Variants in FRMD3 observed in about 807,000 individuals in gnomAD.
FRMD3 encodes FERM domain-containing protein 3.
In FRMD3, 33 loss-of-function variants were observed where a neutral mutation model predicts 70.2. That is an observed-to-expected ratio of 0.47 (90% CI 0.36 to 0.63). The LOEUF is 0.63. Ranked by LOEUF, FRMD3 falls within the 20% of genes least tolerant of loss-of-function variation. FRMD3 has a pLI of 0.00. For missense variants in FRMD3, 632 were observed against 711.4 expected, an observed-to-expected ratio of 0.89 and a Z score of 1.27; for synonymous variants, 279 against 255.9, an observed-to-expected ratio of 1.09 and a Z score of -0.86.
chr9:83,326,826 C>T (rs1233191281), intron 6 of FRMD3, among the ~76,000 whole-genome samples: 1 of 152,140 alleles, frequency 6.6e-6, no homozygotes, highest in African/African-American at 2.4e-5. Context: ...TTTCAAAGAG[C>T]TAACAATTCT....
Position 83,350,828 on chromosome 9 carries a change from C to T in FRMD3, c.296-1071G>A, listed in dbSNP as rs538557264. 6.1e-6 allele frequency: 4 copies of T among 652,774 alleles called. No individual in the cohort carries two copies. The East Asian group carries it at 4.1e-4, about 67-fold the overall frequency. The allele number at this position is 652,774 out of a possible 1,614,324, so 40.4% of individuals were successfully genotyped here. On this transcript the variant is annotated intron_variant, in intron 3 of 13. Coordinates refer to ENST00000304195, the MANE Select transcript of FRMD3 (RefSeq NM_174938.6). The stretch of plus-strand genomic sequence containing the variant: ...CCCAACCAATGGGGATTCTACAGGA[C>T]TTCCAAGATCTTCCATTATAAGATC...
At chr9:83,414,160 C>T (rs1826362938) in intron 1 of FRMD3, among the ~76,000 whole-genome samples, 1 of 152,084 alleles carries the variant, frequency 6.6e-6, no homozygotes. Flanking sequence ...GGAATGACTG[C>T]AAATGGGCAC....
At chr9:83,255,134 A>G (rs1832640555) in intron 13 of FRMD3, among the ~76,000 whole-genome samples, 1 of 152,194 alleles carries the variant, frequency 6.6e-6, no homozygotes, top group East Asian at 1.9e-4. Context: ...CTCCTCAATA[A>G]AATACTGGCA....
intron 1 of FRMD3, among the ~76,000 whole-genome samples, chr9:83,402,891 T>C (rs554988672): frequency 7.8e-6 from 1 of 128,808 alleles, no homozygotes; most frequent in South Asian, 2.7e-4. Context: ...ATTTTCCTTC[T>C]TTCTTTCTTT....
chr9:83,498,759 T>A lies in FRMD3; in HGVS notation c.147+39326A>T, dbSNP rs3860942. Reference sequence around the variant, plus strand: ...CCTTTAAAAAAAAGAAAAGAAAACATATAATCAAAGAAAAAACAGTGTATT... The same window carrying A: ...CCTTTAAAAAAAAGAAAAGAAAACAAATAATCAAAGAAAAAACAGTGTATT... On this transcript the variant is annotated intron_variant, in intron 1 of 13. Transcript: ENST00000304195. Among the ~76,000 whole-genome samples, 27 of 151,736 alleles carry A rather than the reference T, an allele frequency of 1.8e-4. No homozygotes were observed. In the South Asian group the frequency reaches 5.4e-3, roughly 30 times the overall value.
intron 1 of FRMD3, among the ~76,000 whole-genome samples, chr9:83,492,512 C>T (rs549823292): frequency 1.7e-4 from 26 of 152,300 alleles, no homozygotes; most frequent in East Asian, 9.7e-4. Flanking sequence ...ACCTCCTTTC[C>T]GCCCGTGCTC....
chr9:83,327,397 C>A (rs1333811341), intron 6 of FRMD3, among the ~76,000 whole-genome samples: 2 of 152,234 alleles, frequency 1.3e-5, no homozygotes, highest in Admixed American at 1.3e-4. Flanking sequence ...TCAGCGACTG[C>A]AGGGAGCTGT....
intron 12 of FRMD3, among the ~76,000 whole-genome samples, chr9:83,292,494 C>G (rs1313022910): frequency 6.6e-6 from 1 of 151,874 alleles, no homozygotes; most frequent in Non-Finnish European, 1.5e-5. Context: ...TCCCTGTACC[C>G]AAACACACAC....
chr9:83,480,580 C>A, intron 1 of FRMD3, among the ~76,000 whole-genome samples: 1 of 151,060 alleles, frequency 6.6e-6, no homozygotes, highest in African/African-American at 2.4e-5. Flanking sequence ...ACCACAACCT[C>A]CATCTCCCGG....
the FRMD3 span, among the ~76,000 whole-genome samples, chr9:83,560,210 CA>C: frequency 6.6e-6 from 1 of 152,194 alleles, no homozygotes; most frequent in African/African-American, 2.4e-5. Context: ...GTAGAACAGG[CA>C]GCGTATCTTC....
chr9:83,329,846 A>G (rs894972825), intron 6 of FRMD3, among the ~76,000 whole-genome samples: 5 of 152,210 alleles, frequency 3.3e-5, no homozygotes, highest in African/African-American at 1.2e-4. Flanking sequence ...GTCTCTAATG[A>G]CAAACCTGAT....
At chr9:83,501,412 A>G (rs1829066300) in intron 1 of FRMD3, among the ~76,000 whole-genome samples, 1 of 152,210 alleles carries the variant, frequency 6.6e-6, no homozygotes. Context: ...AAGGTACCCC[A>G]ATAATTTTTC....
rs1017461178 is a variant in FRMD3 at position 83,538,350 on chromosome 9, T to G, written c.-119A>C. ...CTGGGCGCGGCTCAGCCCCGGGACATCGGCAGCGTCGGGCGCCTGCGGACA... is the reference window on the plus strand; with the variant it reads ...CTGGGCGCGGCTCAGCCCCGGGACAGCGGCAGCGTCGGGCGCCTGCGGACA... On this transcript the variant is annotated 5_prime_UTR_variant, in exon 1 of 14. The change abolishes an upstream ATG in the 5' untranslated region. Transcript: ENST00000304195. This position sits in a 1 kb window ranked among gnomAD's most constrained non-coding sequence, Gnocchi z 4.7. The G allele has an allele frequency of 4.9e-5, 46 of 935,562 alleles. No individual in the cohort carries two copies. Among genetic ancestry groups the G allele is most frequent in the Non-Finnish European group, 5.6e-5 (40 of 716,912 alleles). 58.0% of individuals were successfully genotyped at this position (935,562 alleles called of 1,614,324 possible). A position where few individuals can be genotyped will look rare whatever the true frequency, so the allele number is the denominator to read the frequency against.
At chr9:83,550,843 C>T in the FRMD3 span, among the ~76,000 whole-genome samples, 8 of 151,912 alleles carry the variant, frequency 5.3e-5, no homozygotes, top group Non-Finnish European at 1.2e-4. Flanking sequence ...TGGAATTTTG[C>T]TGAAGTTGTT....
At chr9:83,464,538 G>A (rs1404003248) in intron 1 of FRMD3, among the ~76,000 whole-genome samples, 1 of 152,178 alleles carries the variant, frequency 6.6e-6, no homozygotes, top group Non-Finnish European at 1.5e-5. Flanking sequence ...CCTGAGGAGG[G>A]AAGATGCAAA....
At chr9:83,445,221 C>CA (rs1827420179) in intron 1 of FRMD3, among the ~76,000 whole-genome samples, 1 of 152,088 alleles carries the variant, frequency 6.6e-6, no homozygotes, top group Non-Finnish European at 1.5e-5. Context: ...ACTAAAAATA[C>CA]AAAAATTAGC....
At chr9:83,380,130 G>A (rs1028199996) in intron 2 of FRMD3, among the ~76,000 whole-genome samples, 1 of 152,148 alleles carries the variant, frequency 6.6e-6, no homozygotes, top group Non-Finnish European at 1.5e-5. Flanking sequence ...TCATTTCCCT[G>A]GGTATTTATT....
intron 1 of FRMD3, among the ~76,000 whole-genome samples, chr9:83,420,219 T>C (rs1826591934): frequency 6.6e-6 from 1 of 152,122 alleles, no homozygotes; most frequent in Admixed American, 6.5e-5. Context: ...TCATGGATGA[T>C]GATAGAAAGT....
At chr9:83,349,798 A>T in intron 3 of FRMD3, 41 bp from the exon 4 acceptor site, 1 of 1,480,818 alleles carries the variant, frequency 6.8e-7, no homozygotes, top group Non-Finnish European at 9.4e-7. Flanking sequence ...AAGCAGCAAA[A>T]GACCATGGCC....
Sources: gnomAD v4.1 joint callset for allele counts (sites outside exome capture counted in the v4.1 genomes callset) on GRCh38, gnomAD v4.1.1 for gene constraint, Gnocchi (gnomAD v3.1) non-coding constraint, MANE v1.5 for transcripts, NCBI Gene and HGNC (gene_info 2026-07-23, HGNC 2026-07-21) for gene names.